Variants in DMD observed in about 807,000 individuals in gnomAD.
DMD encodes dystrophin, also known as mutant dystrophin.
In DMD, 63 loss-of-function variants were observed where a neutral mutation model predicts 330.1. The observed-to-expected ratio is 0.19, with a 90% CI of 0.16 to 0.24. The LOEUF is 0.24. Among genes scored for constraint, DMD ranks in the 10% least tolerant of loss-of-function variants. DMD has a pLI of 1.00. For synonymous variants in DMD, 1,223 were observed against 959.8 expected (o/e 1.27, Z -5.07); for missense variants, 3,344 against 2,684.1 (o/e 1.25, Z -5.43).
intron 13 of DMD, among the ~76,000 whole-genome samples, chrX:32,587,300 T>G (rs2054403350): frequency 9.0e-6 from 1 of 111,470 alleles, no homozygotes; most frequent in Non-Finnish European, 1.9e-5. Flanking sequence ...GTAACCTGTG[T>G]GATACTCATG....
At chrX:31,568,742 C>A (rs910265962) in intron 55 of DMD, among the ~76,000 whole-genome samples, 21 of 111,489 alleles carry the variant, frequency 1.9e-4, no homozygotes, top group Admixed American at 9.5e-4. Context: ...TATATTTAGA[C>A]CATTTGCATT....
chrX:33,076,851 C>T lies in DMD; in HGVS notation c.32-56651G>A, dbSNP rs752830308. Among the ~76,000 whole-genome samples, 5 of 111,405 alleles carry T rather than the reference C, an allele frequency of 4.5e-5. No individual in the cohort carries two copies. In the South Asian group the frequency reaches 1.5e-3, roughly 34 times the overall value. On this transcript the variant is annotated intron_variant, in intron 1 of 78. Coordinates refer to ENST00000357033, the MANE Select transcript of DMD (RefSeq NM_004006.3). ...AGTAACTCCCTCAGAGCCAGCTGTG[C>T]GGGAGACCGAAGTTTTATTATTACT...
intron 51 of DMD, among the ~76,000 whole-genome samples, chrX:31,730,513 T>C (rs1201252669): frequency 1.8e-5 from 2 of 111,461 alleles, no homozygotes; most frequent in African/African-American, 6.5e-5. Context: ...AATTTTTAAT[T>C]TATAGGTAGT....
chrX:31,715,100 TATAAC>T (rs754300017), intron 52 of DMD, among the ~76,000 whole-genome samples: 1 of 110,793 alleles, frequency 9.0e-6, no homozygotes. Flanking sequence ...TGTCTTAAGT[TATAAC>T]ATAACATTTT....
rs6628683 is a variant in DMD, at chrX:32,196,756, T to C, written c.6438+20160A>G. ...ATCCCAGCACTTTGGGAGGCCAAGG[T>C]GGGCAGATCACGAGGTCAGGAGATC... On this transcript the variant is annotated intron_variant, in intron 44 of 78. Coordinates refer to ENST00000357033, the MANE Select transcript of DMD (RefSeq NM_004006.3). Among the ~76,000 whole-genome samples the C allele has an allele frequency of 2.6e-3, 283 of 109,764 alleles. 2 individuals carry two copies. The East Asian group carries it at 0.05, about 19-fold the overall frequency.
intron 20 of DMD, among the ~76,000 whole-genome samples, chrX:32,490,155 T>G (rs2042858576): frequency 6.3e-5 from 7 of 111,731 alleles, no homozygotes; most frequent in Admixed American, 5.7e-4. Flanking sequence ...CTACCTTTAT[T>G]TAAGCCATTC....
At chrX:31,578,690 T>TA (rs2076213952) in intron 55 of DMD, among the ~76,000 whole-genome samples, 1 of 111,749 alleles carries the variant, frequency 8.9e-6, no homozygotes, top group South Asian at 3.8e-4. Flanking sequence ...ATTCAGAAAC[T>TA]AAGATGAGGC....
intron 51 of DMD, among the ~76,000 whole-genome samples, chrX:31,738,945 G>A (rs2087084638): frequency 8.9e-6 from 1 of 111,768 alleles, no homozygotes; most frequent in Non-Finnish European, 1.9e-5. Context: ...TCGTGGGGAG[G>A]TGGGGGTGGT....
chrX:31,162,681 C>T (rs2038978662), intron 74 of DMD, among the ~76,000 whole-genome samples: 1 of 110,978 alleles, frequency 9.0e-6, no homozygotes, highest in Non-Finnish European at 1.9e-5. Flanking sequence ...CAGATGCTGT[C>T]TCCTCCTAAA....
chrX:33,336,452 G>A (rs2054256254), intron 1 of DMD, among the ~76,000 whole-genome samples: 1 of 110,193 alleles, frequency 9.1e-6, no homozygotes, highest in African/African-American at 3.3e-5. Context: ...ACACCTGAGA[G>A]GCAGCTACTC....
At chrX:32,526,580 G>T (rs1037448636) in intron 17 of DMD, among the ~76,000 whole-genome samples, 6 of 111,419 alleles carry the variant, frequency 5.4e-5, no homozygotes, top group Admixed American at 9.6e-5. Flanking sequence ...TGTACAAACA[G>T]ACTCAGCCTC....
chrX:32,990,183 A>G (rs930889311), intron 2 of DMD, among the ~76,000 whole-genome samples: 2 of 111,800 alleles, frequency 1.8e-5, no homozygotes, highest in African/African-American at 6.5e-5. Context: ...TTCTTTGCCT[A>G]TAACATAAAC....
At chrX:32,251,346 G>A (rs765732714) in intron 43 of DMD, among the ~76,000 whole-genome samples, 16 of 110,730 alleles carry the variant, frequency 1.4e-4, no homozygotes, top group African/African-American at 4.9e-4. Context: ...TTTCATCCAC[G>A]TTTCATGTAG....
At chrX:32,452,286 A>G (rs1429865410) in intron 26 of DMD, among the ~76,000 whole-genome samples, 2 of 48,789 alleles carry the variant, frequency 4.1e-5, no homozygotes, top group Admixed American at 3.7e-4. Context: ...TGGAAAAGAA[A>G]GGAAAGGAAA....
intron 47 of DMD, among the ~76,000 whole-genome samples, chrX:31,890,749 C>G: frequency 9.0e-6 from 1 of 111,261 alleles, no homozygotes; most frequent in East Asian, 2.8e-4. Context: ...TATTTTCTGT[C>G]TAGAAAGCTT....
intron 53 of DMD, among the ~76,000 whole-genome samples, chrX:31,659,639 GAAAAAAA>G (rs869195395): frequency 2.0e-4 from 8 of 39,976 alleles, no homozygotes; most frequent in Admixed American, 5.1e-4. Flanking sequence ...CTCCATCTCG[GAAAAAAA>G]AAAAAAAAAA....
intron 62 of DMD, among the ~76,000 whole-genome samples, chrX:31,310,283 C>T (rs971002980): frequency 1.9e-5 from 2 of 107,940 alleles, no homozygotes; most frequent in African/African-American, 6.7e-5. Flanking sequence ...GTAAAATGTA[C>T]ACAAATTACT....
chrX:32,307,608 T>A (rs2097545385), intron 42 of DMD, among the ~76,000 whole-genome samples: 1 of 111,631 alleles, frequency 9.0e-6, no homozygotes. Context: ...TATGGACACA[T>A]GATGATAAAT....
intron 37 of DMD, among the ~76,000 whole-genome samples, chrX:32,352,797 G>A (rs774861841): frequency 8.1e-5 from 9 of 110,734 alleles, no homozygotes; most frequent in African/African-American, 2.9e-4. Context: ...GAGTGGGATT[G>A]ACCTGTTATT....
Sources: allele counts gnomAD v4.1 joint callset (sites outside exome capture counted in the v4.1 genomes callset), GRCh38; gene constraint gnomAD v4.1.1; transcripts MANE v1.5; gene names NCBI Gene and HGNC (gene_info 2026-07-23, HGNC 2026-07-21).